The following CACNA1A variants were observed in gnomAD, a reference collection of about 807,000 sequenced individuals.
CACNA1A encodes the protein calcium voltage-gated channel subunit alpha1 A.
A neutral mutation model predicts 262.4 loss-of-function variants in CACNA1A; 57 were observed. The observed-to-expected ratio is 0.22, with a 90% CI of 0.18 to 0.27. The LOEUF is 0.27. Ranked by LOEUF, CACNA1A falls within the 10% of genes least tolerant of loss-of-function variation. CACNA1A has a pLI of 1.00. For missense variants in CACNA1A, 2,526 were observed against 3,562.8 expected, an observed-to-expected ratio of 0.71 and a Z score of 7.41; for synonymous variants, 1,431 against 1,419.3, an observed-to-expected ratio of 1.01 and a Z score of -0.18.
intron 30 of CACNA1A, among the ~76,000 whole-genome samples, chr19:13,248,754 A>C (rs1296328680): frequency 1.3e-5 from 2 of 151,868 alleles, no homozygotes; most frequent in Non-Finnish European, 2.9e-5. Context: ...GAGGCAGGAC[A>C]ATTGCTTGAA....
At chr19:13,219,677 C>G (rs1001951833) in intron 38 of CACNA1A, among the ~76,000 whole-genome samples, 23 of 152,024 alleles carry the variant, frequency 1.5e-4, no homozygotes, top group African/African-American at 5.6e-4. Flanking sequence ...ACCGGAGGCC[C>G]GGTGCGGTGG....
At chr19:13,483,005 G>A (rs1370174655) in intron 1 of CACNA1A, among the ~76,000 whole-genome samples, 1 of 151,886 alleles carries the variant, frequency 6.6e-6, no homozygotes, top group Admixed American at 6.6e-5. Context: ...TGATTCTTAA[G>A]CTATCTCTTA....
intron 3 of CACNA1A, among the ~76,000 whole-genome samples, chr19:13,421,660 T>C (rs1268579792): frequency 1.3e-5 from 2 of 152,088 alleles, no homozygotes; most frequent in Non-Finnish European, 2.9e-5. Flanking sequence ...CTTTTCACCA[T>C]GGAAAGATGC....
intron 3 of CACNA1A, among the ~76,000 whole-genome samples, chr19:13,410,169 C>G (rs1045000471): frequency 2.0e-5 from 3 of 152,012 alleles, no homozygotes; most frequent in Non-Finnish European, 4.4e-5. Context: ...CCTCCAGCAT[C>G]CTCATGTTTT....
At chr19:13,354,462 C>T (rs1240289485) in intron 6 of CACNA1A, among the ~76,000 whole-genome samples, 1 of 152,152 alleles carries the variant, frequency 6.6e-6, no homozygotes, top group African/African-American at 2.4e-5. Context: ...AGGCAGAACC[C>T]AAGAGTGCTC....
At chr19:13,429,531 C>CAAAAA (rs35308275) in intron 3 of CACNA1A, among the ~76,000 whole-genome samples, 3 of 57,208 alleles carry the variant, frequency 5.2e-5, no homozygotes, top group Admixed American at 2.1e-4. Flanking sequence ...TCAAAGCGTC[C>CAAAAA]AAAAAAAAAA....
At chr19:13,240,425 T>C (rs967884529) in intron 31 of CACNA1A, among the ~76,000 whole-genome samples, 3 of 145,348 alleles carry the variant, frequency 2.1e-5, no homozygotes, top group Non-Finnish European at 4.5e-5. Context: ...TGTGTTTGCA[T>C]AGTGACAGTG....
chr19:13,230,996 T>TTTTG (rs2055644646), intron 35 of CACNA1A, among the ~76,000 whole-genome samples: 1 of 131,862 alleles, frequency 7.6e-6, no homozygotes, highest in Non-Finnish European at 1.6e-5. Context: ...TGTTTTTTTT[T>TTTTG]TTTTTGTTTG....
At chr19:13,272,195 G>A (rs2057037517) in intron 24 of CACNA1A, 1 of 152,282 alleles carries the variant, frequency 6.6e-6, no homozygotes, top group Admixed American at 6.5e-5. Flanking sequence ...CTCAGTGGTG[G>A]TCACTGGGAG....
At chr19:13,327,046 G>GC (rs2058376075) in intron 10 of CACNA1A, among the ~76,000 whole-genome samples, 1 of 151,736 alleles carries the variant, frequency 6.6e-6, no homozygotes, top group African/African-American at 2.4e-5. Flanking sequence ...GTGCCACAAT[G>GC]CCCAGCTAAT....
chr19:13,246,364 C>T (rs974918750), intron 30 of CACNA1A, among the ~76,000 whole-genome samples: 41 of 152,250 alleles, frequency 2.7e-4, no homozygotes, highest in African/African-American at 9.6e-4. Context: ...TGGTCACTTT[C>T]TGGTCAGTGT....
intron 4 of CACNA1A, 64 bp from the exon 5 acceptor site, chr19:13,365,533 A>G: frequency 6.8e-7 from 1 of 1,464,982 alleles, no homozygotes. Flanking sequence ...CCCGCCACCA[A>G]GACGCCCAGG....
chr19:13,310,182 G>A (rs892474609), intron 12 of CACNA1A, among the ~76,000 whole-genome samples: 2 of 151,874 alleles, frequency 1.3e-5, no homozygotes, highest in African/African-American at 4.8e-5. Flanking sequence ...AAGGCGGGGC[G>A]TGGTGGCTCA....
At chr19:13,303,918 C>A (rs768204487) in intron 15 of CACNA1A, 34 bp from the exon 16 acceptor site, 1 of 1,462,998 alleles carries the variant, frequency 6.8e-7, no homozygotes, top group East Asian at 2.3e-5. Context: ...CAGCCAACCC[C>A]CCTCTCAGCC....
chr19:13,279,763 G>A (rs1019874312), intron 22 of CACNA1A, among the ~76,000 whole-genome samples: 1 of 147,082 alleles, frequency 6.8e-6, no homozygotes, highest in Non-Finnish European at 1.5e-5. Flanking sequence ...GGGATTACAG[G>A]TGCGAGCCCG....
chr19:13,483,293 G>A (rs1979578022), intron 1 of CACNA1A, among the ~76,000 whole-genome samples: 1 of 152,104 alleles, frequency 6.6e-6, no homozygotes, highest in African/African-American at 2.4e-5. Flanking sequence ...TTGGATTTAG[G>A]GTGAGTGAGA....
chr19:13,427,161 TC>T, intron 3 of CACNA1A, among the ~76,000 whole-genome samples: 1 of 151,622 alleles, frequency 6.6e-6, no homozygotes, highest in East Asian at 1.9e-4. Flanking sequence ...ATAAAAGTGG[TC>T]CCCCCCAGGG....
At chr19:13,413,506 C>T (rs1020611955) in intron 3 of CACNA1A, among the ~76,000 whole-genome samples, 1 of 142,132 alleles carries the variant, frequency 7.0e-6, no homozygotes, top group Non-Finnish European at 1.5e-5. Flanking sequence ...CAGGAGGTCA[C>T]GGCTGCAGAA....
At chr19:13,327,626 G>A (rs2058387088) in intron 10 of CACNA1A, among the ~76,000 whole-genome samples, 1 of 150,012 alleles carries the variant, frequency 6.7e-6, no homozygotes, top group South Asian at 2.1e-4. Context: ...CAGGCTGGAG[G>A]GCAATGGCGC....
Sources: allele counts gnomAD v4.1 joint callset (sites outside exome capture counted in the v4.1 genomes callset), GRCh38; gene constraint gnomAD v4.1.1; transcripts MANE v1.5; gene names NCBI Gene and HGNC (gene_info 2026-07-23, HGNC 2026-07-21).